The following TBC1D19 variants were observed in gnomAD, a reference collection of about 807,000 sequenced individuals.
TBC1D19 encodes the protein TBC1 domain family member 19.
A neutral mutation model predicts 89.0 loss-of-function variants in TBC1D19; 60 were observed. The observed-to-expected ratio is 0.67, with a 90% CI of 0.55 to 0.84. The LOEUF is 0.84. TBC1D19 is among the 40% of genes least tolerant of loss of function. TBC1D19 has a pLI of 0.00. For synonymous variants in TBC1D19, 189 were observed against 199.7 expected, an observed-to-expected ratio of 0.95 and a Z score of 0.45; for missense variants, 500 against 610.8, an observed-to-expected ratio of 0.82 and a Z score of 1.91.
chr4:26,604,583 A>G (rs1227556352), intron 1 of TBC1D19, among the ~76,000 whole-genome samples: 1 of 149,634 alleles, frequency 6.7e-6, no homozygotes, highest in African/African-American at 2.5e-5. Flanking sequence ...TAATAATGCT[A>G]CTATGGGCCG....
chr4:26,817,658 T>C, the TBC1D19 span, among the ~76,000 whole-genome samples: 9 of 152,214 alleles, frequency 5.9e-5, no homozygotes, highest in African/African-American at 2.2e-4. Flanking sequence ...TCTCATACTT[T>C]GTTTAGGGTC....
At chr4:26,855,318 ATTC>A in the TBC1D19 span, among the ~76,000 whole-genome samples, 1 of 152,122 alleles carries the variant, frequency 6.6e-6, no homozygotes, top group East Asian at 1.9e-4. Flanking sequence ...TTGTTCGTGT[ATTC>A]TTTTTTTCTA....
At chr4:26,816,572 A>T in the TBC1D19 span, among the ~76,000 whole-genome samples, 1 of 152,348 alleles carries the variant, frequency 6.6e-6, no homozygotes, top group African/African-American at 2.4e-5. Context: ...ATCAAAGTTA[A>T]TATACCTGAT....
the TBC1D19 span, among the ~76,000 whole-genome samples, chr4:26,789,459 G>A: frequency 6.6e-6 from 1 of 152,164 alleles, no homozygotes; most frequent in Non-Finnish European, 1.5e-5. Context: ...ATTTGAAAAT[G>A]TTCATCACTA....
intron 8 of TBC1D19, among the ~76,000 whole-genome samples, chr4:26,660,516 C>T (rs1258704323): frequency 1.3e-5 from 2 of 152,192 alleles, no homozygotes; most frequent in Admixed American, 6.5e-5. Flanking sequence ...CTTTATCATG[C>T]TGGAGCCGGA....
chr4:26,847,825 T>A, the TBC1D19 span, among the ~76,000 whole-genome samples: 1 of 152,308 alleles, frequency 6.6e-6, no homozygotes, highest in Admixed American at 6.5e-5. Flanking sequence ...TCAGATGACT[T>A]TTCTATTTCA....
At chr4:26,718,579 G>C (rs1577980565) in intron 14 of TBC1D19, among the ~76,000 whole-genome samples, 1 of 151,982 alleles carries the variant, frequency 6.6e-6, no homozygotes, top group Non-Finnish European at 1.5e-5. Flanking sequence ...TGAAAGCTCA[G>C]ACTTCATTGT....
chr4:26,761,223 A>C (rs961532081), downstream of TBC1D19, among the ~76,000 whole-genome samples: 3 of 152,216 alleles, frequency 2.0e-5, no homozygotes, highest in Non-Finnish European at 4.4e-5. Context: ...TTTAATCTGC[A>C]CCAAAAGAAG....
At chr4:26,809,709 C>T in the TBC1D19 span, among the ~76,000 whole-genome samples, 1 of 152,168 alleles carries the variant, frequency 6.6e-6, no homozygotes, top group Admixed American at 6.5e-5. Flanking sequence ...TCAGAGTTAT[C>T]ACACCTGAGC....
At chr4:26,821,152 G>A in the TBC1D19 span, among the ~76,000 whole-genome samples, 5 of 152,206 alleles carry the variant, frequency 3.3e-5, no homozygotes, top group African/African-American at 7.2e-5. Context: ...AAAGCTTCTC[G>A]TGTCCTTGCC....
chr4:26,782,229 A>G, the TBC1D19 span, among the ~76,000 whole-genome samples: 2 of 152,246 alleles, frequency 1.3e-5, no homozygotes, highest in Non-Finnish European at 2.9e-5. Flanking sequence ...ACATCTTAAG[A>G]GGGTATGGAA....
chr4:26,839,264 T>A, the TBC1D19 span, among the ~76,000 whole-genome samples: 1 of 152,176 alleles, frequency 6.6e-6, no homozygotes, highest in South Asian at 2.1e-4. Flanking sequence ...AAAGCGGCTT[T>A]AAAAAATTAA....
the TBC1D19 span, among the ~76,000 whole-genome samples, chr4:26,835,619 G>A: frequency 2.0e-5 from 3 of 152,060 alleles, no homozygotes; most frequent in Non-Finnish European, 4.4e-5. Context: ...AACACCTCTC[G>A]AATCTACCAT....
At chr4:26,579,043 C>T (rs1173533336) in intron 1 of TBC1D19, among the ~76,000 whole-genome samples, 1 of 152,082 alleles carries the variant, frequency 6.6e-6, no homozygotes, top group Non-Finnish European at 1.5e-5. Flanking sequence ...TTTGTGTTTA[C>T]CTTTCAAAAT....
At chr4:26,671,324 A>C (rs1443166676) in intron 9 of TBC1D19, among the ~76,000 whole-genome samples, 1 of 151,742 alleles carries the variant, frequency 6.6e-6, no homozygotes, top group Non-Finnish European at 1.5e-5. Context: ...TTGGTCCTTC[A>C]GGTCACTCCT....
the TBC1D19 span, among the ~76,000 whole-genome samples, chr4:26,793,143 C>T: frequency 6.6e-6 from 1 of 152,066 alleles, no homozygotes; most frequent in African/African-American, 2.4e-5. Flanking sequence ...TGGGCACTTC[C>T]AAGAAGGAGG....
At chr4:26,655,770 C>T (rs558001770) in intron 7 of TBC1D19, among the ~76,000 whole-genome samples, 2 of 152,338 alleles carry the variant, frequency 1.3e-5, no homozygotes, top group Admixed American at 6.5e-5. Context: ...TGCCATCTGT[C>T]ACCCTTTTCC....
the TBC1D19 span, among the ~76,000 whole-genome samples, chr4:26,809,493 G>A: frequency 2.6e-5 from 4 of 152,044 alleles, no homozygotes. Context: ...CCTCAAAAAT[G>A]TTCCCTCTTT....
At chr4:26,765,787 T>C in the TBC1D19 span, among the ~76,000 whole-genome samples, 1 of 152,150 alleles carries the variant, frequency 6.6e-6, no homozygotes, top group Non-Finnish European at 1.5e-5. Flanking sequence ...TCACCTATTT[T>C]TTCTAATCTA....
Sources: gnomAD v4.1 joint callset for allele counts (sites outside exome capture counted in the v4.1 genomes callset) on GRCh38, gnomAD v4.1.1 for gene constraint, MANE v1.5 for transcripts, NCBI Gene and HGNC (gene_info 2026-07-23, HGNC 2026-07-21) for gene names.